The following ANO3 variants were observed in gnomAD, a reference collection of about 807,000 sequenced individuals.
ANO3 encodes anoctamin 3.
A neutral mutation model predicts 144.8 loss-of-function variants in ANO3; 99 were observed. The ratio of observed to expected loss-of-function variants is 0.68; its 90% CI spans 0.58 to 0.81. ANO3 has a LOEUF of 0.81. ANO3 is among the 30% of genes least tolerant of loss of function. The probability of loss-of-function intolerance (pLI) is 0.00; values close to 1 mark genes in which losing one functional copy is unlikely to be tolerated. For synonymous variants in ANO3, 414 were observed against 392.6 expected (o/e 1.05, Z -0.64); for missense variants, 905 against 1,202.2 (o/e 0.75, Z 3.66).
intron 1 of ANO3, among the ~76,000 whole-genome samples, chr11:26,270,985 A>C (rs1232208752): frequency 2.0e-5 from 3 of 152,222 alleles, no homozygotes; most frequent in South Asian, 2.1e-4. Flanking sequence ...TGTACTGAAG[A>C]GAGTGGTAGA....
At chr11:26,313,845 T>C (rs1590253393) in intron 1 of ANO3, among the ~76,000 whole-genome samples, 3 of 148,530 alleles carry the variant, frequency 2.0e-5, no homozygotes, top group African/African-American at 7.5e-5. Context: ...TAACAAAAAG[T>C]CTTAATATTT....
At chr11:26,578,488 T>G (rs530092832) in intron 14 of ANO3, among the ~76,000 whole-genome samples, 1 of 152,210 alleles carries the variant, frequency 6.6e-6, no homozygotes, top group African/African-American at 2.4e-5. Context: ...AGGCTTTGCC[T>G]TGACTTTGTG....
At chr11:26,534,994 T>TCC (rs1849468946) in intron 9 of ANO3, among the ~76,000 whole-genome samples, 3 of 151,970 alleles carry the variant, frequency 2.0e-5, no homozygotes, top group Admixed American at 2.0e-4. Context: ...GTTTCATTTA[T>TCC]TTACTCTTAT....
intron 3 of ANO3, among the ~76,000 whole-genome samples, chr11:26,447,898 T>A (rs1287768604): frequency 1.3e-5 from 2 of 152,204 alleles, no homozygotes; most frequent in Non-Finnish European, 2.9e-5. Context: ...GTTTTTTTCT[T>A]CTCAGTATGC....
intron 6 of ANO3, among the ~76,000 whole-genome samples, chr11:26,519,932 C>CT (rs1565075653): frequency 2.6e-5 from 4 of 151,860 alleles, no homozygotes; most frequent in African/African-American, 7.3e-5. Flanking sequence ...TGGTGTAATA[C>CT]TTATCATATT....
At chr11:26,365,498 T>C (rs1856043310) in intron 1 of ANO3, among the ~76,000 whole-genome samples, 1 of 152,256 alleles carries the variant, frequency 6.6e-6, no homozygotes, top group South Asian at 2.1e-4. Flanking sequence ...TGCAGCAGGC[T>C]TCTGCCTGGA....
intron 1 of ANO3, among the ~76,000 whole-genome samples, chr11:26,244,468 C>T (rs898658827): frequency 1.1e-4 from 16 of 152,182 alleles, no homozygotes; most frequent in African/African-American, 3.9e-4. Context: ...GTGAGAACCA[C>T]TACAAACGAA....
intron 24 of ANO3, among the ~76,000 whole-genome samples, chr11:26,648,620 A>C (rs772992868): frequency 3.9e-5 from 6 of 152,182 alleles, no homozygotes; most frequent in Non-Finnish European, 8.8e-5. Context: ...CCAGTTTAGA[A>C]CCACTGCTTT....
At chr11:26,534,632 T>TA (rs1374031737) in intron 9 of ANO3, 70 bp downstream of exon 9, 1 of 1,070,836 alleles carries the variant, frequency 9.3e-7, no homozygotes, top group African/African-American at 1.6e-5. Context: ...TTGTTTTTTT[T>TA]AACAGCTGTA....
At chr11:26,235,600 T>C (rs966257229) in intron 1 of ANO3, among the ~76,000 whole-genome samples, 5 of 143,516 alleles carry the variant, frequency 3.5e-5, no homozygotes, top group African/African-American at 9.8e-5. Context: ...TATACTTTTT[T>C]TTTTTTTTTT....
At chr11:26,441,747 CAA>C (rs754115799) in intron 1 of ANO3, among the ~76,000 whole-genome samples, 169 bp from the exon 2 acceptor site, 13 of 152,140 alleles carry the variant, frequency 8.5e-5, no homozygotes, top group Non-Finnish European at 1.5e-4. Context: ...ACAAAAATCT[CAA>C]ACACTCTTCT....
rs78866520 is a variant in ANO3 at position 26,550,352 on chromosome 11, C to G, written c.1289+2802C>G. ...AAGACAGTATTATAGACCACAGGCA[C>G]AATGTCATACAGCAGTTCTCTGGAA... On this transcript the variant is annotated intron_variant, in intron 12 of 26. Transcript: ENST00000256737. 1.0e-3 allele frequency among the ~76,000 whole-genome samples: 159 copies of G among 151,974 alleles called. 1 individual carries two copies. Among genetic ancestry groups the G allele is most frequent in the African/African-American group, 3.7e-3 (153 of 41,506 alleles).
chr11:26,518,958 A>G (rs113068314), intron 6 of ANO3, among the ~76,000 whole-genome samples: 7 of 152,248 alleles, frequency 4.6e-5, no homozygotes, highest in African/African-American at 1.7e-4. Flanking sequence ...TTCTAATTTG[A>G]CTGCATTAAT....
At chr11:26,456,431 T>G (rs1293436339) in intron 3 of ANO3, among the ~76,000 whole-genome samples, 1 of 151,758 alleles carries the variant, frequency 6.6e-6, no homozygotes, top group Non-Finnish European at 1.5e-5. Flanking sequence ...AACAGACACT[T>G]CTCAAAAGAA....
At chr11:26,494,668 C>A (rs1335978736) in intron 4 of ANO3, among the ~76,000 whole-genome samples, 1 of 152,124 alleles carries the variant, frequency 6.6e-6, no homozygotes, top group Non-Finnish European at 1.5e-5. Context: ...AGAAATTCAA[C>A]TTCTTTCTGC....
At chr11:26,650,308 G>T (rs1853488637) in intron 24 of ANO3, among the ~76,000 whole-genome samples, 1 of 152,156 alleles carries the variant, frequency 6.6e-6, no homozygotes, top group South Asian at 2.1e-4. Context: ...TTCTAGTATG[G>T]ACAACGAATG....
At chr11:26,361,142 C>T (rs1046143977) in intron 1 of ANO3, among the ~76,000 whole-genome samples, 1 of 152,198 alleles carries the variant, frequency 6.6e-6, no homozygotes, top group African/African-American at 2.4e-5. Flanking sequence ...TGCTTAAAGC[C>T]TGGATAATGA....
intron 4 of ANO3, among the ~76,000 whole-genome samples, chr11:26,472,063 G>A (rs565188925): frequency 1.7e-3 from 260 of 152,080 alleles, no homozygotes; most frequent in African/African-American, 5.9e-3. Flanking sequence ...ATAAATTAAT[G>A]TATGGGCATT....
chr11:26,283,780 C>T (rs948596539), intron 1 of ANO3, among the ~76,000 whole-genome samples: 1 of 152,068 alleles, frequency 6.6e-6, no homozygotes, highest in Non-Finnish European at 1.5e-5. Context: ...ATGGAGGAGA[C>T]AGATAATAAG....
Sources: gnomAD v4.1 joint callset for allele counts (sites outside exome capture counted in the v4.1 genomes callset) on GRCh38, gnomAD v4.1.1 for gene constraint, MANE v1.5 for transcripts, NCBI Gene and HGNC (gene_info 2026-07-23, HGNC 2026-07-21) for gene names.